The following DCX variants were observed in gnomAD, a reference collection of about 807,000 sequenced individuals.
DCX encodes the protein neuronal migration protein doublecortin.
Under a neutral mutation model 20.9 loss-of-function variants are expected in DCX, and 4 were observed. The ratio of observed to expected loss-of-function variants is 0.19; its 90% CI spans 0.09 to 0.44. The LOEUF (loss-of-function observed/expected upper bound fraction) is 0.44, where lower values mean the gene tolerates loss of function less well. Ranked by LOEUF, DCX falls within the 20% of genes least tolerant of loss-of-function variation. The pLI is 0.99. For missense variants in DCX, 133 were observed against 296.9 expected, an observed-to-expected ratio of 0.45 and a Z score of 4.06; for synonymous variants, 103 against 111.4, an observed-to-expected ratio of 0.92 and a Z score of 0.47.
At chrX:111,333,900 G>C (rs753547455) in intron 3 of DCX, among the ~76,000 whole-genome samples, 6 of 111,760 alleles carry the variant, frequency 5.4e-5, no homozygotes, top group African/African-American at 1.6e-4. Flanking sequence ...AGGGTCCCTG[G>C]GAAAGTATGC....
intron 3 of DCX, among the ~76,000 whole-genome samples, chrX:111,347,116 A>G (rs1922890209): frequency 8.9e-6 from 1 of 111,795 alleles, no homozygotes; most frequent in African/African-American, 3.2e-5. Flanking sequence ...AAAAATTATT[A>G]TTAGTAGTAG....
intron 3 of DCX, among the ~76,000 whole-genome samples, chrX:111,361,342 G>C (rs1018870979): frequency 1.8e-5 from 2 of 111,803 alleles, no homozygotes; most frequent in African/African-American, 3.2e-5. Context: ...TCTGTCTCTG[G>C]AGATGTTCAG....
chrX:111,362,288 T>G (rs1569493253), intron 3 of DCX, among the ~76,000 whole-genome samples: 1 of 111,487 alleles, frequency 9.0e-6, no homozygotes, highest in Non-Finnish European at 1.9e-5. Context: ...TTCAGCATCT[T>G]TGCAACACCC....
rs1356195624 is a variant in DCX at position 111,371,289 on chromosome X, A to G, written c.705+29701T>C. 4.5e-5 allele frequency among the ~76,000 whole-genome samples: 5 copies of G among 112,130 alleles called. No individual in the cohort carries two copies. In the East Asian group the frequency reaches 1.4e-3, roughly 32 times the overall value. On this transcript the variant is annotated intron_variant, in intron 3 of 6. Coordinates refer to ENST00000636035, the MANE Select transcript of DCX (RefSeq NM_001195553.2). ...CACCCATCCCTGCCCCTGAGAGGCA[A>G]TCACTGTTCTCTTCTGATTTTTTTC...
rs1289780577 is a variant in DCX, at chrX:111,349,309, A to C, written c.706-16156T>G. Among the ~76,000 whole-genome samples the C allele has an allele frequency of 3.6e-5, 4 of 111,552 alleles. No individual in the cohort carries two copies. In the East Asian group the frequency reaches 8.5e-4, roughly 24 times the overall value. On this transcript the variant is annotated intron_variant, in intron 3 of 6. Transcript: ENST00000636035. ...AGCTGTCGTGGAATCCCAGAGGCTT[A>C]ACTGTACCCCCCTTCCCAGGCTTCC...
intron 5 of DCX, among the ~76,000 whole-genome samples, chrX:111,329,170 T>A (rs1463982663): frequency 8.9e-6 from 1 of 112,294 alleles, no homozygotes; most frequent in Non-Finnish European, 1.9e-5. Flanking sequence ...AGCCCAGGTG[T>A]TAAAACCTAG....
intron 3 of DCX, among the ~76,000 whole-genome samples, chrX:111,387,901 A>T (rs1569496016): frequency 9.0e-6 from 1 of 111,537 alleles, no homozygotes; most frequent in East Asian, 2.8e-4. Flanking sequence ...CTGGAGAAGT[A>T]TCGGCTTGGT....
intron 2 of DCX, among the ~76,000 whole-genome samples, chrX:111,407,413 T>C (rs750643317): frequency 2.7e-5 from 3 of 112,146 alleles, no homozygotes; most frequent in Non-Finnish European, 5.6e-5. Flanking sequence ...CACATTGTCT[T>C]CATCCTCCTC....
chrX:111,332,297 C>G (rs1921322703), intron 4 of DCX, among the ~76,000 whole-genome samples: 1 of 112,168 alleles, frequency 8.9e-6, no homozygotes, highest in African/African-American at 3.2e-5. Flanking sequence ...AAAGGGAACA[C>G]AGCAGAAATG....
intron 3 of DCX, among the ~76,000 whole-genome samples, chrX:111,343,214 G>A: frequency 9.7e-6 from 1 of 103,258 alleles, no homozygotes; most frequent in Non-Finnish European, 2.0e-5. Flanking sequence ...GAACAAAATA[G>A]ACACAATAAA....
chrX:111,331,266 G>A (rs1346180459), intron 4 of DCX, among the ~76,000 whole-genome samples: 2 of 111,548 alleles, frequency 1.8e-5, no homozygotes, highest in Non-Finnish European at 3.8e-5. Context: ...CCTGAATTAC[G>A]AAAACAAGGG....
intron 5 of DCX, among the ~76,000 whole-genome samples, chrX:111,317,391 C>T (rs1012317397): frequency 4.5e-5 from 5 of 111,167 alleles, no homozygotes; most frequent in Admixed American, 9.5e-5. Flanking sequence ...GGTTGGATCT[C>T]GGCCCTTTCC....
intron 3 of DCX, among the ~76,000 whole-genome samples, chrX:111,339,010 T>A (rs1921988317): frequency 9.0e-6 from 1 of 111,405 alleles, no homozygotes. Context: ...GGATATAAGT[T>A]GATCGAGTTC....
intron 3 of DCX, among the ~76,000 whole-genome samples, chrX:111,396,907 T>A (rs187044849): frequency 1.8e-5 from 2 of 111,255 alleles, no homozygotes; most frequent in Admixed American, 1.9e-4. Context: ...AATTGGGGTG[T>A]CTTCCTACTA....
chrX:111,365,342 AT>A, intron 3 of DCX, among the ~76,000 whole-genome samples: 1 of 110,275 alleles, frequency 9.1e-6, no homozygotes, highest in African/African-American at 3.3e-5. Flanking sequence ...TTTTTTTAAA[AT>A]TAAAAAAAAC....
At chrX:111,364,873 A>G (rs905821646) in intron 3 of DCX, among the ~76,000 whole-genome samples, 93 of 109,899 alleles carry the variant, frequency 8.5e-4, no homozygotes, top group African/African-American at 2.9e-3. Context: ...AGTCTTATTT[A>G]TCTTGTTTTG....
intron 3 of DCX, among the ~76,000 whole-genome samples, chrX:111,345,477 T>C (rs1403088200): frequency 9.0e-6 from 1 of 111,011 alleles, no homozygotes; most frequent in Non-Finnish European, 1.9e-5. Flanking sequence ...TGGGAGAAAA[T>C]TTTTGCAATG....
At chrX:111,314,005 G>A (rs1184965502) in intron 5 of DCX, among the ~76,000 whole-genome samples, 2 of 111,173 alleles carry the variant, frequency 1.8e-5, no homozygotes, top group Non-Finnish European at 3.8e-5. Context: ...CATAGGTAAA[G>A]CTTAAACTGC....
rs183852195 is a variant in DCX at position 111,378,199 on chromosome X, G to C, written c.705+22791C>G. On this transcript the variant is annotated intron_variant, in intron 3 of 6. Coordinates refer to ENST00000636035, the MANE Select transcript of DCX (RefSeq NM_001195553.2). ...GTTTAATGTAATTGATCTGGGGAGC[G>C]GCCAACCATCTGTATTTTTAAAACT... Among the ~76,000 whole-genome samples, 5 of 111,757 alleles carry C rather than the reference G, an allele frequency of 4.5e-5. No homozygotes were observed. In the East Asian group the frequency reaches 1.4e-3, roughly 32 times the overall value.
Sources: gnomAD v4.1 joint callset for allele counts (sites outside exome capture counted in the v4.1 genomes callset) on GRCh38, gnomAD v4.1.1 for gene constraint, MANE v1.5 for transcripts, NCBI Gene and HGNC (gene_info 2026-07-23, HGNC 2026-07-21) for gene names.